Variants in RSPH6A observed in about 807,000 individuals in gnomAD.
The protein encoded by RSPH6A is radial spoke head protein 6 homolog A.
RSPH6A carries 49 observed loss-of-function variants against 66.1 expected under a neutral mutation model. The observed-to-expected ratio is 0.74, with a 90% CI of 0.59 to 0.94. The LOEUF (loss-of-function observed/expected upper bound fraction) is 0.94. RSPH6A is among the 40% of genes least tolerant of loss of function. The pLI, the probability that RSPH6A is intolerant of heterozygous loss-of-function variation, is 0.00. For synonymous variants in RSPH6A, 419 were observed against 402.4 expected, an observed-to-expected ratio of 1.04 and a Z score of -0.49; for missense variants, 977 against 948.3, an observed-to-expected ratio of 1.03 and a Z score of -0.40.
At chr19:45,810,963 G>A (rs1970619872) in intron 1 of RSPH6A, 123 bp from the exon 2 acceptor site, 2 of 609,372 alleles carry the variant, frequency 3.3e-6, no homozygotes, top group Non-Finnish European at 5.6e-6. Context: ...AAAGGTCCCT[G>A]CCCAGGTGTA....
intron 1 of RSPH6A, among the ~76,000 whole-genome samples, chr19:45,811,749 TTA>T (rs1491121358): frequency 3.1e-5 from 1 of 32,412 alleles, no homozygotes; most frequent in Non-Finnish European, 6.1e-5. Context: ...ATTTGTATTA[TTA>T]TTATTATTAT....
In RSPH6A at chr19:45,815,037, G is replaced by T; in HGVS notation, c.140C>A (p.Pro47His). 6.2e-7 allele frequency: 1 copy of T among 1,613,706 alleles called. No individual in the cohort carries two copies. Among genetic ancestry groups the T allele is most frequent in the Non-Finnish European group, 8.5e-7 (1 of 1,180,038 alleles). ...AGGGGCGTTTCGCTGGGCGTCTGGA[G>T]GTATCTGCTGCCTCTCCTCGGGGTC... ...AADPEERQQIPPDAQRNAPGW... is the reference protein window; with the variant it reads ...AADPEERQQIHPDAQRNAPGW... The change falls in exon 1 of 6, where the codon CCT (proline) becomes CAT (histidine). Residue 47 changes from proline (P) to histidine (H), a missense_variant. Physicochemically the swap from Pro to His is moderately conservative, Grantham distance 77. Transcript: ENST00000221538.
At chr19:45,798,848 A>C (rs1270728460) in intron 5 of RSPH6A, among the ~76,000 whole-genome samples, 2 of 151,746 alleles carry the variant, frequency 1.3e-5, no homozygotes, top group African/African-American at 4.8e-5. Context: ...CAAAAAAAAA[A>C]AAAAGAAAGA....
In RSPH6A at chr19:45,800,489, G is replaced by A. The variant is rs143367972; in HGVS notation, c.1873C>T (p.Arg625Cys). ...LCPQYSVAVV[R>C]SNLWPGAYAY... The stretch of plus-strand genomic sequence containing the variant: ...TAGGCCCCGGGCCAGAGGTTGGAGC[G>A]CACAACGGCCACTGAGTACTGCGGG... The change falls in exon 5 of 6, where the codon CGC becomes TGC. Residue 625 changes from arginine (R) to cysteine (C), a missense_variant. By Grantham distance (180) the Arg-to-Cys change is radical. Coordinates refer to ENST00000221538, the MANE Select transcript of RSPH6A (RefSeq NM_030785.4). The A allele has an allele frequency of 5.3e-5, 86 of 1,613,278 alleles. No homozygotes were observed. The highest frequency in any genetic ancestry group is 4.4e-5 in the Non-Finnish European group (52 of 1,179,900).
At chr19:45,810,891 A>C in intron 1 of RSPH6A, 51 bp from the exon 2 acceptor site, 61 of 1,498,676 alleles carry the variant, frequency 4.1e-5, no homozygotes, top group Non-Finnish European at 4.6e-5. Flanking sequence ...CACTCAGCTC[A>C]CTGAGCTGGC....
At position 45,807,135 on chromosome 19, in the gene RSPH6A, G is replaced by A. The variant is rs144395620; in HGVS notation, c.889-2119C>T. Reference sequence around the variant, plus strand: ...TCTCGAACTCCTGACCTCGTGATCCGCCCGTCTTGGCCTCCCAAAATGCTG... The same window carrying A: ...TCTCGAACTCCTGACCTCGTGATCCACCCGTCTTGGCCTCCCAAAATGCTG... On this transcript the variant is annotated intron_variant, in intron 2 of 5. Coordinates refer to ENST00000221538, the MANE Select transcript of RSPH6A (RefSeq NM_030785.4). 3.5e-3 allele frequency among the ~76,000 whole-genome samples: 533 copies of A among 151,752 alleles called. 5 individuals carry two copies. Among genetic ancestry groups the A allele is most frequent in the African/African-American group, 0.011 (437 of 41,378 alleles).
In RSPH6A at chr19:45,800,545, G is replaced by C; in HGVS notation, c.1817C>G (p.Pro606Arg). The C allele has an allele frequency of 1.2e-6, 2 of 1,611,824 alleles. No individual in the cohort carries two copies. Among genetic ancestry groups the C allele is most frequent in the Non-Finnish European group, 1.7e-6 (2 of 1,179,304 alleles). The change falls in exon 5 of 6, where the codon CCC becomes CGC. Residue 606 changes from proline to arginine, a missense_variant. Coordinates refer to ENST00000221538, the MANE Select transcript of RSPH6A (RefSeq NM_030785.4). ...GCTGCAGGACAGGCGGGTGGTCCAG[G>C]GTGCCAGGTGCATGATTTCTGTGGT... ...SEDAEIMHLA[P>R]WTTRLSCSLC...
rs568923639 is a variant in RSPH6A at position 45,815,193 on chromosome 19, C to T, written c.-17G>A. 69 of 1,576,596 alleles carry T rather than the reference C, an allele frequency of 4.4e-5. No individual in the cohort carries two copies. The South Asian group carries it at 6.9e-4, about 16-fold the overall frequency. On this transcript the variant is annotated 5_prime_UTR_variant, in exon 1 of 6. In the 5' UTR this introduces an upstream ATG that the reference lacks. Transcript: ENST00000221538. The stretch of plus-strand genomic sequence containing the variant: ...GTCTCCCATGGTTCGCCAGGAGGCA[C>T]AGATCTCTAGGAGAAAGGCTTGCAG...
In RSPH6A at chr19:45,804,604, G is replaced by T. The variant is rs765858852; in HGVS notation, c.1301C>A (p.Pro434Gln). The T allele has an allele frequency of 6.2e-7, 1 of 1,613,940 alleles. No homozygotes were observed. Among genetic ancestry groups the T allele is most frequent in the East Asian group, 2.2e-5 (1 of 44,890 alleles). ...GGGCAGCCGCGTCCATGGCAGGCCCGGCTCGTTGCACACAAAGTACAGGTA... is the reference window on the plus strand; with the variant it reads ...GGGCAGCCGCGTCCATGGCAGGCCCTGCTCGTTGCACACAAAGTACAGGTA... ...NKYLYFVCNE[P>Q]GLPWTRLPHV... Residue 434 changes from proline (P) to glutamine (Q), a missense_variant, in exon 3 of 6, where the codon CCG becomes CAG. By Grantham distance (76) the Pro-to-Gln change is moderately conservative. Transcript: ENST00000221538. The surrounding 1 kb of genome is among the most constrained non-coding windows in gnomAD (Gnocchi z 5.8).
chr19:45,812,804 C>T (rs1298652277), intron 1 of RSPH6A, among the ~76,000 whole-genome samples: 1 of 152,046 alleles, frequency 6.6e-6, no homozygotes, highest in African/African-American at 2.4e-5. Context: ...AAGTGATTCT[C>T]CTGCCTCAGC....
In RSPH6A at chr19:45,808,381, C is replaced by T. The variant is rs1458038472; in HGVS notation, c.888+2222G>A. Among the ~76,000 whole-genome samples the T allele has an allele frequency of 4.0e-5, 6 of 151,848 alleles. 1 individual carries two copies. Among genetic ancestry groups the T allele is most frequent in the South Asian group, 4.2e-4 (2 of 4,800 alleles). On this transcript the variant is annotated intron_variant, in intron 2 of 5. Coordinates refer to ENST00000221538, the MANE Select transcript of RSPH6A (RefSeq NM_030785.4). ...GGCAGAGGTTGCAGTGAGCTGAGAT[C>T]GTGCCACTGCACTCCAGCCTGGGCG...
intron 2 of RSPH6A, among the ~76,000 whole-genome samples, chr19:45,808,684 C>T (rs960872375): frequency 2.0e-5 from 2 of 100,982 alleles, no homozygotes; most frequent in Non-Finnish European, 3.7e-5. Context: ...TTTTTTTAGA[C>T]AGACTCTCAC....
chr19:45,814,720 G>A lies in RSPH6A; in HGVS notation c.457C>T (p.Gln153Ter). Residue 153 changes from glutamine to a stop codon, truncating the protein, a stop_gained, in exon 1 of 6, where the codon CAG becomes TAG. Transcript: ENST00000221538. LOFTEE classifies it high-confidence loss of function. Reference protein sequence around the residue: ...VNPLGQFNLYQTDQFSEGAQH... With the variant: ...VNPLGQFNLY The stretch of plus-strand genomic sequence containing the variant: ...GCACCTTCAGAGAACTGGTCTGTCT[G>A]GTAGAGGTTGAACTGGCCCAAGGGG... 6.2e-7 allele frequency: 1 copy of A among 1,613,718 alleles called. No homozygotes were observed. The highest frequency in any genetic ancestry group is 8.5e-7 in the Non-Finnish European group (1 of 1,179,794).
At chr19:45,805,259 T>C (rs1383855750) in intron 2 of RSPH6A, among the ~76,000 whole-genome samples, 1 of 151,490 alleles carries the variant, frequency 6.6e-6, no homozygotes, top group Non-Finnish European at 1.5e-5. Flanking sequence ...TAGCCAGCCA[T>C]AAAAGCAGGT....
At chr19:45,800,641 A>C (rs1386349368) in intron 4 of RSPH6A, 78 bp from the exon 5 acceptor site, 5 of 1,253,198 alleles carry the variant, frequency 4.0e-6, no homozygotes, top group South Asian at 1.4e-5. Flanking sequence ...TGAAGGAAGG[A>C]AGGCAGCAGT....
chr19:45,796,041 AGGGCC>A lies in RSPH6A; in HGVS notation c.1977_1981del (p.Leu661SerfsTer18). 6.2e-7 allele frequency: 1 copy of A among 1,613,328 alleles called. No homozygotes were observed. The highest frequency in any genetic ancestry group is 8.5e-7 in the Non-Finnish European group (1 of 1,179,608). ...GTACTCTTGTTGAATGGGGGCTGGC[AGGGCC>A]GGGTTGAAGCTCTCGGGGCTGTACT... On this transcript the variant is annotated frameshift_variant, in exon 6 of 6. Transcript: ENST00000221538. LOFTEE classifies it high-confidence loss of function.
Position 45,803,121 on chromosome 19 carries a change from A to T in RSPH6A, c.1654-857T>A, listed in dbSNP as rs577613100. On this transcript the variant is annotated intron_variant, in intron 3 of 5. Coordinates refer to ENST00000221538, the MANE Select transcript of RSPH6A (RefSeq NM_030785.4). ...CTACTCAGGAGGCTGAGGCAGGAGA[A>T]TGGCGTGAACCTAGGAGGCAGAGCT... 5.4e-5 allele frequency among the ~76,000 whole-genome samples: 8 copies of T among 148,610 alleles called. No individual in the cohort carries two copies. In the South Asian group the frequency reaches 1.8e-3, roughly 34 times the overall value.
chr19:45,805,177 A>G (rs1970528313), intron 2 of RSPH6A, among the ~76,000 whole-genome samples, 161 bp from the exon 3 acceptor site: 1 of 152,160 alleles, frequency 6.6e-6, no homozygotes, highest in Non-Finnish European at 1.5e-5. Flanking sequence ...CTGGCTGATC[A>G]CTTGAGGTCA....
At chr19:45,811,080 G>A in intron 1 of RSPH6A, 1 of 331,502 alleles carries the variant, frequency 3.0e-6, no homozygotes, top group Non-Finnish European at 5.4e-6. Context: ...TGCAACCTCT[G>A]CCTCCCGGGT....
Sources: gnomAD v4.1 joint callset for allele counts (sites outside exome capture counted in the v4.1 genomes callset) on GRCh38, gnomAD v4.1.1 for gene constraint, Gnocchi (gnomAD v3.1) non-coding constraint, MANE v1.5 for transcripts, NCBI Gene and HGNC (gene_info 2026-07-23, HGNC 2026-07-21) for gene names.